Variants in PIK3CG observed in about 807,000 individuals in gnomAD.
PIK3CG encodes phosphatidylinositol-4,5-bisphosphate 3-kinase catalytic subunit gamma.
In PIK3CG, 55 loss-of-function variants were observed where a neutral mutation model predicts 102.3. The observed-to-expected ratio is 0.54, with a 90% CI of 0.43 to 0.67. PIK3CG has a LOEUF of 0.67. Among genes scored for constraint, PIK3CG ranks in the 30% least tolerant of loss-of-function variants. The probability of loss-of-function intolerance (pLI) is 0.00; values close to 1 mark genes in which losing one functional copy is unlikely to be tolerated. For synonymous variants in PIK3CG, 552 were observed against 540.0 expected (o/e 1.02, Z -0.31); for missense variants, 1,258 against 1,391.8 (o/e 0.90, Z 1.53).
At chr7:106,889,274 A>G (rs2116575691) in intron 10 of PIK3CG, among the ~76,000 whole-genome samples, 1 of 152,326 alleles carries the variant, frequency 6.6e-6, no homozygotes, top group South Asian at 2.1e-4. Flanking sequence ...ACATATATGC[A>G]GAATTTCCAA....
chr7:106,891,455 A>G lies in PIK3CG; in HGVS notation c.3030+5163A>G, dbSNP rs1791259800. Among the ~76,000 whole-genome samples, 1 of 152,244 alleles carries G rather than the reference A, an allele frequency of 6.6e-6. No homozygotes were observed. The highest frequency in any genetic ancestry group is 1.5e-5 in the Non-Finnish European group (1 of 68,042). ...TTTTTGTAGAGATTTCCTTATTGAC[A>G]TAAATCTTACATATTTCTTTCCAGT... On this transcript the variant is annotated intron_variant, in intron 10 of 10. Coordinates refer to ENST00000496166, the MANE Select transcript of PIK3CG (RefSeq NM_001282426.2). The surrounding 1 kb of genome is among the most constrained non-coding windows in gnomAD (Gnocchi z 4.4).
chr7:106,867,653 G>A lies in PIK3CG; in HGVS notation c.92G>A (p.Ser31Asn), dbSNP rs1196336571. The A allele has an allele frequency of 2.5e-6, 4 of 1,613,380 alleles. No individual in the cohort carries two copies. The highest frequency in any genetic ancestry group is 1.1e-5 in the South Asian group (1 of 91,082). ...RRMKPRSAAA[S>N]LSSMELIPIE... Reference sequence around the variant, plus strand: ...ATGAAGCCGCGCAGTGCTGCGGCCAGCCTGTCCTCCATGGAGCTCATCCCC... The same window carrying A: ...ATGAAGCCGCGCAGTGCTGCGGCCAACCTGTCCTCCATGGAGCTCATCCCC... The change falls in exon 2 of 11, where the codon AGC (serine) becomes AAC (asparagine). Residue 31 changes from serine (S) to asparagine (N), a missense_variant. Coordinates refer to ENST00000496166, the MANE Select transcript of PIK3CG (RefSeq NM_001282426.2). The surrounding 1 kb of genome is among the most constrained non-coding windows in gnomAD (Gnocchi z 5.1).
intron 1 of PIK3CG, among the ~76,000 whole-genome samples, chr7:106,866,591 T>C (rs778403506): frequency 1.6e-4 from 25 of 152,318 alleles, no homozygotes; most frequent in South Asian, 2.1e-4. Flanking sequence ...AGCTCCTCCA[T>C]TATTAAGTAG....
Position 106,867,921 on chromosome 7 carries a change from C to T in PIK3CG, c.360C>T (p.Asp120=), listed in dbSNP as rs368451333. Reference sequence around the variant, plus strand: ...AGTACCAGGTGGTGCAGACTCTGGACTGCCTGCGCTACTGGAAGGCCACGC... The same window carrying T: ...AGTACCAGGTGGTGCAGACTCTGGATTGCCTGCGCTACTGGAAGGCCACGC... ...YDKYQVVQTL[D]CLRYWKATHR... is the part of the protein sequence containing the mutation. Residue 120 remains aspartate (D), a synonymous_variant, in exon 2 of 11, where the codon GAC becomes GAT. Transcript: ENST00000496166. This position sits in a 1 kb window ranked among gnomAD's most constrained non-coding sequence, Gnocchi z 5.1. The T allele has an allele frequency of 2.5e-6, 4 of 1,613,210 alleles. No individual in the cohort carries two copies. The African/African-American group carries it at 5.3e-5, about 22-fold the overall frequency.
rs370878365 is a variant in PIK3CG, at chr7:106,882,194, T to C, written c.2616T>C (p.Thr872=). ...TCCTGCCATATGGTTGCATTTCAAC[T>C]GGTGACAAAATAGGTATGTAGTTAC... ...LCLLPYGCIS[T]GDKIGMIEIV... Residue 872 remains threonine, a synonymous_variant, in exon 7 of 11, where the codon ACT becomes ACC. Coordinates refer to ENST00000496166, the MANE Select transcript of PIK3CG (RefSeq NM_001282426.2). The C allele has an allele frequency of 3.8e-6, 6 of 1,572,446 alleles. No homozygotes were observed. The highest frequency in any genetic ancestry group is 5.2e-6 in the Non-Finnish European group (6 of 1,156,118).
chr7:106,885,898 G>A (rs905578424), intron 9 of PIK3CG, among the ~76,000 whole-genome samples: 1 of 152,150 alleles, frequency 6.6e-6, no homozygotes. Context: ...TCTTATAGTG[G>A]CATCTGGCTG....
rs1357349679 is a variant in PIK3CG, at chr7:106,897,706, T to G, written c.3031-7403T>G. On this transcript the variant is annotated intron_variant, in intron 10 of 10. Coordinates refer to ENST00000496166, the MANE Select transcript of PIK3CG (RefSeq NM_001282426.2). The surrounding 1 kb of genome is among the most constrained non-coding windows in gnomAD (Gnocchi z 4.6). ...TCCATCCATGTTCCCGCAAAAGACA[T>G]GATCTCATTCTTTTTTATGGCTGCA... Among the ~76,000 whole-genome samples, 3 of 152,238 alleles carry G rather than the reference T, an allele frequency of 2.0e-5. No individual in the cohort carries two copies. The highest frequency in any genetic ancestry group is 4.4e-5 in the Non-Finnish European group (3 of 68,038).
Position 106,884,469 on chromosome 7 carries a change from C to T in PIK3CG, c.2872+203C>T, listed in dbSNP as rs1012292536. Among the ~76,000 whole-genome samples the T allele has an allele frequency of 2.0e-5, 3 of 152,194 alleles. No homozygotes were observed. Among genetic ancestry groups the T allele is most frequent in the African/African-American group, 7.2e-5 (3 of 41,450 alleles). On this transcript the variant is annotated intron_variant, in intron 9 of 10. Coordinates refer to ENST00000496166, the MANE Select transcript of PIK3CG (RefSeq NM_001282426.2). The surrounding 1 kb of genome is among the most constrained non-coding windows in gnomAD (Gnocchi z 4.2). The stretch of plus-strand genomic sequence containing the variant: ...AAACTCTGTACCCATTAAACACTAA[C>T]TCCCCATGCCTCCCTCCTTTCAGAA...
chr7:106,903,841 C>T lies in PIK3CG; in HGVS notation c.3031-1268C>T, dbSNP rs548152877. ...TGGAGTGATCTCAGCTCACTGCAAC[C>T]TCTACCTCCCAGGTTCAAGCAATTC... is the stretch of plus-strand genomic sequence containing the variant. On this transcript the variant is annotated intron_variant, in intron 10 of 10. Transcript: ENST00000496166. This position sits in a 1 kb window ranked among gnomAD's most constrained non-coding sequence, Gnocchi z 4.3. Among the ~76,000 whole-genome samples the T allele has an allele frequency of 1.3e-5, 2 of 152,174 alleles. No homozygotes were observed. The highest frequency in any genetic ancestry group is 4.1e-4 in the South Asian group (2 of 4,822).
chr7:106,875,359 CAAAAAAAAAAAA>C lies in PIK3CG; in HGVS notation c.2391+561_2391+572del, dbSNP rs35537666. ...TGGGTGACAGAGCAAGACTCCGTCT[CAAAAAAAAAAAA>C]AAAAGTAGAATTCAGTGAGTTTTGA... On this transcript the variant is annotated intron_variant, in intron 5 of 10. Transcript: ENST00000496166. 7.1e-5 allele frequency among the ~76,000 whole-genome samples: 9 copies of C among 126,738 alleles called. No homozygotes were observed. In the Admixed American group the frequency reaches 7.2e-4, roughly 10 times the overall value. The allele number at this position is 126,738 out of a possible 152,430, so 83.1% of individuals were successfully genotyped here.
Position 106,893,600 on chromosome 7 carries a change from C to T in PIK3CG, c.3030+7308C>T, listed in dbSNP as rs529719878. Reference sequence around the variant, plus strand: ...CTATTAAGATCTTCTTGTGAAAATTCTACTGGTCTCAGTTTCTAGAAAAGC... The same window carrying T: ...CTATTAAGATCTTCTTGTGAAAATTTTACTGGTCTCAGTTTCTAGAAAAGC... On this transcript the variant is annotated intron_variant, in intron 10 of 10. Transcript: ENST00000496166. The surrounding 1 kb of genome is among the most constrained non-coding windows in gnomAD (Gnocchi z 4.4). Among the ~76,000 whole-genome samples, 8 of 152,290 alleles carry T rather than the reference C, an allele frequency of 5.3e-5. No homozygotes were observed. In the South Asian group the frequency reaches 1.7e-3, roughly 32 times the overall value.
intron 5 of PIK3CG, among the ~76,000 whole-genome samples, chr7:106,875,914 T>TTG (rs1235410734): frequency 1.4e-5 from 2 of 148,116 alleles, no homozygotes; most frequent in Admixed American, 6.7e-5. Flanking sequence ...TTTTTGTTTT[T>TTG]TTTTTTTTTT....
Position 106,872,169 on chromosome 7 carries a change from T to G in PIK3CG, c.1996-368T>G, listed in dbSNP as rs758913566. 2.6e-5 allele frequency among the ~76,000 whole-genome samples: 4 copies of G among 152,216 alleles called. No individual in the cohort carries two copies. Among genetic ancestry groups the G allele is most frequent in the Non-Finnish European group, 4.4e-5 (3 of 68,032 alleles). ...CTCACATTCTCTCTTACCTTCCACT[T>G]TATAGATTGGTTACAGTGTCTCCAT... On this transcript the variant is annotated intron_variant, in intron 2 of 10. Coordinates refer to ENST00000496166, the MANE Select transcript of PIK3CG (RefSeq NM_001282426.2). The surrounding 1 kb of genome is among the most constrained non-coding windows in gnomAD (Gnocchi z 5.3).
At position 106,899,893 on chromosome 7, in the gene PIK3CG, C is replaced by T. The variant is rs1791499286; in HGVS notation, c.3031-5216C>T. On this transcript the variant is annotated intron_variant, in intron 10 of 10. Transcript: ENST00000496166. This position sits in a 1 kb window ranked among gnomAD's most constrained non-coding sequence, Gnocchi z 4.6. ...CATAGAACGAGTTGGGGAGGAGTCC[C>T]TCCTCAATTTTTTAGAATAGCTTAT... is the stretch of plus-strand genomic sequence containing the variant. Among the ~76,000 whole-genome samples, 3 of 152,082 alleles carry T rather than the reference C, an allele frequency of 2.0e-5. No homozygotes were observed. The highest frequency in any genetic ancestry group is 1.3e-4 in the Admixed American group (2 of 15,264).
intron 10 of PIK3CG, among the ~76,000 whole-genome samples, chr7:106,898,860 T>C (rs573986672): frequency 2.0e-5 from 3 of 152,316 alleles, no homozygotes; most frequent in South Asian, 2.1e-4. Context: ...ATTTGGGCTC[T>C]TTTTTGGTTC....
At position 106,867,015 on chromosome 7, in the gene PIK3CG, AT is replaced by A. The variant is rs908669692; in HGVS notation, c.-12-529del. Among the ~76,000 whole-genome samples, 1 of 152,124 alleles carries A rather than the reference AT, an allele frequency of 6.6e-6. No homozygotes were observed. The highest frequency in any genetic ancestry group is 2.4e-5 in the African/African-American group (1 of 41,408). On this transcript the variant is annotated intron_variant, in intron 1 of 10. Coordinates refer to ENST00000496166, the MANE Select transcript of PIK3CG (RefSeq NM_001282426.2). The surrounding 1 kb of genome is among the most constrained non-coding windows in gnomAD (Gnocchi z 5.1). ...GTTAAAGGCCTGTTTTCAAAGTGAG[AT>A]TTTTTGGCATCTCGTGTTGCACCTT... is the stretch of plus-strand genomic sequence containing the variant.
rs141688744 is a variant in PIK3CG at position 106,880,248 on chromosome 7, G to T, written c.2538+583G>T. Among the ~76,000 whole-genome samples, 1 of 152,218 alleles carries T rather than the reference G, an allele frequency of 6.6e-6. No homozygotes were observed. The highest frequency in any genetic ancestry group is 1.5e-5 in the Non-Finnish European group (1 of 68,032). On this transcript the variant is annotated intron_variant, in intron 6 of 10. Coordinates refer to ENST00000496166, the MANE Select transcript of PIK3CG (RefSeq NM_001282426.2). The surrounding 1 kb of genome is among the most constrained non-coding windows in gnomAD (Gnocchi z 4.2). ...AGATAAACTTTAGCTTCACAAGTCT[G>T]TAAAGTAATATTCTCCAGATTCTAG...
Position 106,874,587 on chromosome 7 carries a change from A to G in PIK3CG, c.2288-113A>G, listed in dbSNP as rs1027508823. 2.2e-5 allele frequency: 17 copies of G among 766,718 alleles called. No homozygotes were observed. Among genetic ancestry groups the G allele is most frequent in the Non-Finnish European group, 3.6e-5 (17 of 469,930 alleles). 47.5% of individuals were successfully genotyped at this position (766,718 alleles called of 1,614,324 possible). On this transcript the variant is annotated intron_variant, in intron 4 of 10. Coordinates refer to ENST00000496166, the MANE Select transcript of PIK3CG (RefSeq NM_001282426.2). The surrounding 1 kb of genome is among the most constrained non-coding windows in gnomAD (Gnocchi z 4.3). ...CCCACCCACATTTCTCCTGCTCTAC[A>G]CCAGAACAAATATATAGAATGCTAT...
intron 5 of PIK3CG, among the ~76,000 whole-genome samples, chr7:106,878,063 T>C (rs1178998356): frequency 6.6e-6 from 1 of 152,238 alleles, no homozygotes; most frequent in Non-Finnish European, 1.5e-5. Flanking sequence ...TCTTTTCTAC[T>C]GCAAGTTTGC....
Sources: allele counts gnomAD v4.1 joint callset (sites outside exome capture counted in the v4.1 genomes callset), GRCh38; gene constraint gnomAD v4.1.1; non-coding constraint Gnocchi (gnomAD v3.1); transcripts MANE v1.5; gene names NCBI Gene and HGNC (gene_info 2026-07-23, HGNC 2026-07-21).